The following ZBTB42 variants were observed in gnomAD, a reference collection of about 807,000 sequenced individuals.
ZBTB42 encodes the protein zinc finger and BTB domain containing 42.
Under a neutral mutation model 4.7 loss-of-function variants are expected in ZBTB42, and 3 were observed. That is an observed-to-expected ratio of 0.64 (90% CI 0.29 to 1.66). The LOEUF (loss-of-function observed/expected upper bound fraction) is 1.66, where lower values mean the gene tolerates loss of function less well. ZBTB42 is among the 40% of genes most tolerant of loss of function. ZBTB42 has a pLI of 0.10. For synonymous variants in ZBTB42, 255 were observed against 259.5 expected (o/e 0.98, Z 0.17); for missense variants, 521 against 577.1 (o/e 0.90, Z 1.00).
At chr14:104,800,646 C>A (rs920700350), upstream of ZBTB42, 9 of 146,166 alleles carry the variant, frequency 6.2e-5, no homozygotes, top group East Asian at 1.8e-3. The surrounding 1 kb of genome is among the most constrained non-coding windows in gnomAD (Gnocchi z 5.3). Context: ...CCAGGGCCGC[C>A]CTGGGGAGGG....
upstream of ZBTB42, chr14:104,800,943 GC>G (rs1343669121): frequency 2.7e-6 from 1 of 371,296 alleles, no homozygotes; most frequent in Non-Finnish European, 4.8e-6. The surrounding 1 kb of genome is among the most constrained non-coding windows in gnomAD (Gnocchi z 5.3). Flanking sequence ...GCGGGGACGC[GC>G]GCAGGTTTGC....
Position 104,802,174 on chromosome 14 carries a change from G to A in ZBTB42, c.977G>A (p.Arg326Gln), listed in dbSNP as rs73350336. 1,468 of 1,548,904 alleles carry A rather than the reference G, an allele frequency of 9.5e-4. 11 individuals carry two copies. The African/African-American group carries it at 0.016, about 16-fold the overall frequency. The change falls in exon 1 of 1, where the codon CGG becomes CAG. Residue 326 changes from arginine (R) to glutamine (Q), a missense_variant. Physicochemically the swap from Arg to Gln is conservative, Grantham distance 43 (BLOSUM62 1). Coordinates refer to ENST00000342537, the MANE Select transcript of ZBTB42 (RefSeq NM_001137601.3). This position sits in a 1 kb window ranked among gnomAD's most constrained non-coding sequence, Gnocchi z 5.9. ...HFRERDSTRA[R>Q]LSPDGVAPTC... ...CGTGAGCGAGACAGCACCCGGGCCCGGCTCTCACCCGACGGCGTGGCACCC... is the reference window on the plus strand; with the variant it reads ...CGTGAGCGAGACAGCACCCGGGCCCAGCTCTCACCCGACGGCGTGGCACCC...
chr14:104,800,664 G>T (rs1208033270), upstream of ZBTB42: 1 of 146,236 alleles, frequency 6.8e-6, no homozygotes, highest in African/African-American at 2.5e-5. This position sits in a 1 kb window ranked among gnomAD's most constrained non-coding sequence, Gnocchi z 5.3. Context: ...GGGCGCGCGC[G>T]CGAGCGGCGA....
rs1894079813 is a variant in ZBTB42, at chr14:104,802,814, T to C, written c.*348T>C. Reference sequence around the variant, plus strand: ...ACCTGGCTCTGCCCCCGTTTCTCCGTGTGAGATGGCACATCCATCTCCCGG... The same window carrying C: ...ACCTGGCTCTGCCCCCGTTTCTCCGCGTGAGATGGCACATCCATCTCCCGG... On this transcript the variant is annotated 3_prime_UTR_variant, in exon 1 of 1. Coordinates refer to ENST00000342537, the MANE Select transcript of ZBTB42 (RefSeq NM_001137601.3). This position sits in a 1 kb window ranked among gnomAD's most constrained non-coding sequence, Gnocchi z 5.9. The C allele has an allele frequency of 8.6e-6, 3 of 348,684 alleles. No homozygotes were observed. Among genetic ancestry groups the C allele is most frequent in the Non-Finnish European group, 1.7e-5 (3 of 180,762 alleles). The allele number at this position is 348,684 out of a possible 1,614,324, so 21.6% of individuals were successfully genotyped here. A position where few individuals can be genotyped will look rare whatever the true frequency, so the allele number is the denominator to read the frequency against.
rs1894098866 is a variant in ZBTB42 at position 104,803,370 on chromosome 14, G to C, written c.*904G>C. On this transcript the variant is annotated 3_prime_UTR_variant, in exon 1 of 1. Transcript: ENST00000342537. ...GGGCATCCCCCAGGGTGGGGTCTGG[G>C]CCGCTGAGCTGTGTGCTGCTGCTGG... 1.2e-5 allele frequency: 2 copies of C among 167,138 alleles called. No individual in the cohort carries two copies. Among genetic ancestry groups the C allele is most frequent in the Admixed American group, 6.5e-5 (1 of 15,294 alleles). 10.4% of individuals were successfully genotyped at this position (167,138 alleles called of 1,614,324 possible).
rs956575153 is a variant in ZBTB42, at chr14:104,803,521, G to C, written c.*1055G>C. 1 of 166,894 alleles carries C rather than the reference G, an allele frequency of 6.0e-6. No homozygotes were observed. The highest frequency in any genetic ancestry group is 2.4e-5 in the African/African-American group (1 of 41,454). 10.3% of individuals were successfully genotyped at this position (166,894 alleles called of 1,614,324 possible). On this transcript the variant is annotated 3_prime_UTR_variant, in exon 1 of 1. Transcript: ENST00000342537. ...CCTGTCCGCCAGGGGCAGGGTTTGCGGGCCTTCCTTTCCCCACGGCGAGGC... is the reference window on the plus strand; with the variant it reads ...CCTGTCCGCCAGGGGCAGGGTTTGCCGGCCTTCCTTTCCCCACGGCGAGGC...
At chr14:104,800,862 G>C (rs1347977289), upstream of ZBTB42, 1 of 163,460 alleles carries the variant, frequency 6.1e-6, no homozygotes, top group Non-Finnish European at 1.3e-5. This position sits in a 1 kb window ranked among gnomAD's most constrained non-coding sequence, Gnocchi z 5.3. Context: ...GCGGGTGGCG[G>C]CGCAGCCACC....
chr14:104,800,692 G>A (rs1333171933), upstream of ZBTB42: 2 of 146,532 alleles, frequency 1.4e-5, no homozygotes, highest in Non-Finnish European at 3.0e-5. This position sits in a 1 kb window ranked among gnomAD's most constrained non-coding sequence, Gnocchi z 5.3. Flanking sequence ...GGAGCTCGGG[G>A]CGGCGGAGGT....
At chr14:104,801,012 T>G, upstream of ZBTB42, 1 of 650,454 alleles carries the variant, frequency 1.5e-6, no homozygotes. This position sits in a 1 kb window ranked among gnomAD's most constrained non-coding sequence, Gnocchi z 4.4. Flanking sequence ...GAGCTGCTAC[T>G]GTTTACTTTC....
chr14:104,803,793 G>A lies in ZBTB42; in HGVS notation c.*1327G>A, dbSNP rs1247958387. 3 of 166,850 alleles carry A rather than the reference G, an allele frequency of 1.8e-5. No homozygotes were observed. The highest frequency in any genetic ancestry group is 4.1e-4 in the South Asian group (2 of 4,830). The allele number at this position is 166,850 out of a possible 1,614,324, so 10.3% of individuals were successfully genotyped here. On this transcript the variant is annotated 3_prime_UTR_variant, in exon 1 of 1. Transcript: ENST00000342537. ...TCGGCAGGTGCAGAGCCACCTGGAC[G>A]CCTGGAGACCACCTGGGATGTTTCC...
Position 104,801,515 on chromosome 14 carries a change from C to T in ZBTB42, c.318C>T (p.His106=). 8.4e-6 allele frequency: 13 copies of T among 1,550,236 alleles called. No homozygotes were observed. Among genetic ancestry groups the T allele is most frequent in the South Asian group, 3.6e-5 (3 of 84,064 alleles). ...TCCTGGCAGCCGCCAGCTACCTGCA[C>T]ATGTATGACATCGTCAAGGTCTGCA... ...EDVLAAASYL[H]MYDIVKVCKG... Residue 106 remains histidine (H), a synonymous_variant, in exon 1 of 1, where the codon CAC becomes CAT. Coordinates refer to ENST00000342537, the MANE Select transcript of ZBTB42 (RefSeq NM_001137601.3). This position sits in a 1 kb window ranked among gnomAD's most constrained non-coding sequence, Gnocchi z 4.4.
In ZBTB42 at chr14:104,801,275, C is replaced by T. The variant is rs1357604339; in HGVS notation, c.78C>T (p.Cys26=). 2 of 1,538,006 alleles carry T rather than the reference C, an allele frequency of 1.3e-6. No homozygotes were observed. The highest frequency in any genetic ancestry group is 1.7e-6 in the Non-Finnish European group (2 of 1,143,324). ...GCGAGCTGGGCTTCCTATGCGACTGCACCGTGCTGGTGGGCGACGCGCGCT... is the reference window on the plus strand; with the variant it reads ...GCGAGCTGGGCTTCCTATGCGACTGTACCGTGCTGGTGGGCGACGCGCGCT... ...QQRELGFLCD[C]TVLVGDARFP... is the part of the protein sequence containing the mutation. The change falls in exon 1 of 1, where the codon TGC becomes TGT. Residue 26 remains cysteine (C), a synonymous_variant. Coordinates refer to ENST00000342537, the MANE Select transcript of ZBTB42 (RefSeq NM_001137601.3). The surrounding 1 kb of genome is among the most constrained non-coding windows in gnomAD (Gnocchi z 4.4).
Position 104,802,813 on chromosome 14 carries a change from G to T in ZBTB42, c.*347G>T, listed in dbSNP as rs558566527. On this transcript the variant is annotated 3_prime_UTR_variant, in exon 1 of 1. Transcript: ENST00000342537. The surrounding 1 kb of genome is among the most constrained non-coding windows in gnomAD (Gnocchi z 5.9). Reference sequence around the variant, plus strand: ...CACCTGGCTCTGCCCCCGTTTCTCCGTGTGAGATGGCACATCCATCTCCCG... The same window carrying T: ...CACCTGGCTCTGCCCCCGTTTCTCCTTGTGAGATGGCACATCCATCTCCCG... 1.7e-5 allele frequency: 6 copies of T among 348,278 alleles called. No individual in the cohort carries two copies. Among genetic ancestry groups the T allele is most frequent in the Non-Finnish European group, 3.3e-5 (6 of 180,712 alleles). 21.6% of individuals were successfully genotyped at this position (348,278 alleles called of 1,614,324 possible).
rs928785926 is a variant in ZBTB42, at chr14:104,802,453, C to A, written c.1256C>A (p.Ser419Tyr). The change falls in exon 1 of 1, where the codon TCC becomes TAC. Residue 419 changes from serine to tyrosine, a missense_variant. Ser to Tyr is a moderately radical substitution (Grantham distance 144). Transcript: ENST00000342537. The surrounding 1 kb of genome is among the most constrained non-coding windows in gnomAD (Gnocchi z 5.9). Reference sequence around the variant, plus strand: ...AAGTTTCACTGTGGCCTCGTCAAGTCCCTTCTGGTGTGATGCATCCCTGTG... The same window carrying A: ...AAGTTTCACTGTGGCCTCGTCAAGTACCTTCTGGTGTGATGCATCCCTGTG... ...VRKFHCGLVK[S>Y]LLV is the part of the protein sequence containing the mutation. The A allele has an allele frequency of 6.5e-7, 1 of 1,550,204 alleles. No homozygotes were observed. The highest frequency in any genetic ancestry group is 8.7e-7 in the Non-Finnish European group (1 of 1,146,760).
Position 104,801,921 on chromosome 14 carries a change from C to T in ZBTB42, c.724C>T (p.Pro242Ser). 6.5e-7 allele frequency: 1 copy of T among 1,539,874 alleles called. No homozygotes were observed. The highest frequency in any genetic ancestry group is 8.7e-7 in the Non-Finnish European group (1 of 1,144,122). The part of the protein sequence containing the change: ...EQEESSSSRS[P>S]HSPPKPPPVP... ...GGAGGAGAGCAGCAGCTCTAGGAGC[C>T]CCCACAGTCCCCCGAAGCCACCTCC... is the stretch of plus-strand genomic sequence containing the variant. The change falls in exon 1 of 1, where the codon CCC (proline) becomes TCC (serine). Residue 242 changes from proline to serine, a missense_variant. Transcript: ENST00000342537. The surrounding 1 kb of genome is among the most constrained non-coding windows in gnomAD (Gnocchi z 4.4).
At position 104,801,705 on chromosome 14, in the gene ZBTB42, C is replaced by G; in HGVS notation, c.508C>G (p.Pro170Ala). 1 of 1,550,248 alleles carries G rather than the reference C, an allele frequency of 6.5e-7. No homozygotes were observed. Among genetic ancestry groups the G allele is most frequent in the Non-Finnish European group, 8.7e-7 (1 of 1,146,934 alleles). ...PPFGVKAALP[P>A]RASGPPPCQV... ...GTTTGGGGTCAAGGCTGCCCTCCCT[C>G]CTCGAGCATCTGGGCCTCCTCCCTG... Residue 170 changes from proline (P) to alanine (A), a missense_variant, in exon 1 of 1, where the codon CCT becomes GCT. Physicochemically the swap from Pro to Ala is conservative, Grantham distance 27. Coordinates refer to ENST00000342537, the MANE Select transcript of ZBTB42 (RefSeq NM_001137601.3). The surrounding 1 kb of genome is among the most constrained non-coding windows in gnomAD (Gnocchi z 4.4).
chr14:104,801,721 C>T lies in ZBTB42; in HGVS notation c.524C>T (p.Pro175Leu), dbSNP rs1894046468. Reference protein sequence around the residue: ...KAALPPRASGPPPCQVPEESD... With the variant: ...KAALPPRASGLPPCQVPEESD... ...GCCCTCCCTCCTCGAGCATCTGGGCCTCCTCCCTGCCAGGTCCCAGAAGAG... is the reference window on the plus strand; with the variant it reads ...GCCCTCCCTCCTCGAGCATCTGGGCTTCCTCCCTGCCAGGTCCCAGAAGAG... Residue 175 changes from proline to leucine, a missense_variant, in exon 1 of 1, where the codon CCT becomes CTT. Coordinates refer to ENST00000342537, the MANE Select transcript of ZBTB42 (RefSeq NM_001137601.3). The surrounding 1 kb of genome is among the most constrained non-coding windows in gnomAD (Gnocchi z 4.4). The T allele has an allele frequency of 6.5e-7, 1 of 1,549,994 alleles. No individual in the cohort carries two copies. Among genetic ancestry groups the T allele is most frequent in the African/African-American group, 1.4e-5 (1 of 73,064 alleles).
chr14:104,800,957 G>C (rs1347399525), upstream of ZBTB42: 1 of 403,678 alleles, frequency 2.5e-6, no homozygotes, highest in African/African-American at 2.1e-5. This position sits in a 1 kb window ranked among gnomAD's most constrained non-coding sequence, Gnocchi z 5.3. Context: ...AGGTTTGCGC[G>C]GCTCCGGCTC....
Position 104,802,621 on chromosome 14 carries a change from G to A in ZBTB42, c.*155G>A. ...GCAGAGAGAATGCTGCCTCTTCCTG[G>A]AACTTGGCCTCAGACTCGGTAACTT... On this transcript the variant is annotated 3_prime_UTR_variant, in exon 1 of 1. Transcript: ENST00000342537. This position sits in a 1 kb window ranked among gnomAD's most constrained non-coding sequence, Gnocchi z 5.9. The A allele has an allele frequency of 8.4e-7, 1 of 1,190,192 alleles. No individual in the cohort carries two copies. The highest frequency in any genetic ancestry group is 1.5e-5 in the African/African-American group (1 of 64,694). 73.7% of individuals were successfully genotyped at this position (1,190,192 alleles called of 1,614,324 possible). A position where few individuals can be genotyped will look rare whatever the true frequency, so the allele number is the denominator to read the frequency against.
Sources: allele counts gnomAD v4.1 joint callset, GRCh38; gene constraint gnomAD v4.1.1; non-coding constraint Gnocchi (gnomAD v3.1); transcripts MANE v1.5; gene names NCBI Gene and HGNC (gene_info 2026-07-23, HGNC 2026-07-21).